Variants in PRKN observed in about 807,000 individuals in gnomAD.
PRKN encodes parkin RBR E3 ubiquitin protein ligase.
A neutral mutation model predicts 59.5 loss-of-function variants in PRKN; 56 were observed. The observed-to-expected ratio is 0.94, with a 90% CI of 0.76 to 1.18. The LOEUF (loss-of-function observed/expected upper bound fraction) is 1.18, where lower values mean the gene tolerates loss of function less well. PRKN is among the 50% of genes most tolerant of loss of function. The pLI, the probability that PRKN is intolerant of heterozygous loss-of-function variation, is 0.00. For missense variants in PRKN, 657 were observed against 596.4 expected (o/e 1.10, Z -1.06); for synonymous variants, 250 against 222.1 (o/e 1.13, Z -1.12).
At chr6:162,278,062 C>G (rs2128105526) in intron 2 of PRKN, among the ~76,000 whole-genome samples, 1 of 152,218 alleles carries the variant, frequency 6.6e-6, no homozygotes, top group East Asian at 1.9e-4. Context: ...ATCAGACATA[C>G]AGATCATGGA....
Position 162,677,333 on chromosome 6 carries a change from T to C in PRKN, c.7+50329A>G, listed in dbSNP as rs528441785. On this transcript the variant is annotated intron_variant, in intron 1 of 11. Coordinates refer to ENST00000366898, the MANE Select transcript of PRKN (RefSeq NM_004562.3). ...AGGACCATAACAGCTGAGCTAGTGA[T>C]GGAAGACTTCCTTTTGCACCTTTCG... Among the ~76,000 whole-genome samples the C allele has an allele frequency of 2.6e-5, 4 of 152,112 alleles. No homozygotes were observed. In the East Asian group the frequency reaches 7.8e-4, roughly 30 times the overall value.
chr6:162,126,956 C>G (rs1431426765), intron 4 of PRKN, among the ~76,000 whole-genome samples: 1 of 152,138 alleles, frequency 6.6e-6, no homozygotes, highest in East Asian at 1.9e-4. Context: ...AGATTGCTTC[C>G]AGTACATACT....
chr6:161,583,528 T>C (rs999370723), intron 7 of PRKN, among the ~76,000 whole-genome samples: 1 of 152,182 alleles, frequency 6.6e-6, no homozygotes, highest in Non-Finnish European at 1.5e-5. Flanking sequence ...TAAAGGTGTT[T>C]TTCAAAATTA....
At chr6:161,728,638 T>C (rs1032765684) in intron 7 of PRKN, among the ~76,000 whole-genome samples, 1 of 152,170 alleles carries the variant, frequency 6.6e-6, no homozygotes, top group Non-Finnish European at 1.5e-5. Context: ...TTTCTTCAAG[T>C]GTGTATTTAT....
In PRKN at chr6:161,601,834, G is replaced by A. The variant is rs565372386; in HGVS notation, c.872-32418C>T. 6.5e-4 allele frequency among the ~76,000 whole-genome samples: 99 copies of A among 152,074 alleles called. 1 individual carries two copies. The highest frequency in any genetic ancestry group is 2.2e-3 in the African/African-American group (92 of 41,468). On this transcript the variant is annotated intron_variant, in intron 7 of 11. Transcript: ENST00000366898. ...CCTGACCTCGTGATCCGCCCACCTCGGCCTCCCAAAGTGCTGGGATTACAG... is the reference window on the plus strand; with the variant it reads ...CCTGACCTCGTGATCCGCCCACCTCAGCCTCCCAAAGTGCTGGGATTACAG...
intron 1 of PRKN, among the ~76,000 whole-genome samples, chr6:162,486,153 AAGTGCTG>A (rs1367650252): frequency 6.6e-6 from 1 of 152,210 alleles, no homozygotes; most frequent in Non-Finnish European, 1.5e-5. Flanking sequence ...CTCCAGGGGA[AAGTGCTG>A]TTAATATTTT....
chr6:162,556,341 TG>T (rs201876234), intron 1 of PRKN, among the ~76,000 whole-genome samples: 42,574 of 93,026 alleles, frequency 0.46, 6,938 homozygotes, highest in East Asian at 0.61. Context: ...ACTACTCAGC[TG>T]GTGTGTGTGT....
At chr6:162,595,913 G>A (rs1427682294) in intron 1 of PRKN, among the ~76,000 whole-genome samples, 2 of 152,020 alleles carry the variant, frequency 1.3e-5, no homozygotes, top group Non-Finnish European at 2.9e-5. Context: ...GAATATTAAT[G>A]TCATAATCAA....
At chr6:162,102,378 T>C (rs893198440) in intron 4 of PRKN, among the ~76,000 whole-genome samples, 3 of 152,210 alleles carry the variant, frequency 2.0e-5, no homozygotes, top group Non-Finnish European at 1.5e-5. Flanking sequence ...TGGCTACATT[T>C]GCATATAGGA....
At chr6:162,053,830 C>T (rs1182708424) in intron 5 of PRKN, among the ~76,000 whole-genome samples, 2 of 152,142 alleles carry the variant, frequency 1.3e-5, no homozygotes. Flanking sequence ...ATGGATATAA[C>T]TTTGCAATGA....
chr6:161,462,155 T>A lies in PRKN; in HGVS notation c.1084-75278A>T, dbSNP rs770548482. Among the ~76,000 whole-genome samples, 4 of 152,206 alleles carry A rather than the reference T, an allele frequency of 2.6e-5. No individual in the cohort carries two copies. Among genetic ancestry groups the A allele is most frequent in the Non-Finnish European group, 4.4e-5 (3 of 68,038 alleles). ...AGGGACCTACACATGCTTTGTCTCA[T>A]CCTTTTCATCTTTGCACAATATTAG... is the stretch of plus-strand genomic sequence containing the variant. On this transcript the variant is annotated intron_variant, in intron 9 of 11. Coordinates refer to ENST00000366898, the MANE Select transcript of PRKN (RefSeq NM_004562.3). This position sits in a 1 kb window ranked among gnomAD's most constrained non-coding sequence, Gnocchi z 4.5.
intron 9 of PRKN, among the ~76,000 whole-genome samples, chr6:161,431,910 C>T (rs1015056619): frequency 3.9e-5 from 6 of 152,130 alleles, no homozygotes; most frequent in East Asian, 1.9e-4. Context: ...CCACTGCATC[C>T]GGCAATAATA....
chr6:162,687,335 A>T lies in PRKN; in HGVS notation c.7+40327T>A, dbSNP rs959816600. ...CGAGTAGCTGGGACTACAGGTGCTC[A>T]CCACCACACCCGGCTAATTTTTGTA... On this transcript the variant is annotated intron_variant, in intron 1 of 11. Coordinates refer to ENST00000366898, the MANE Select transcript of PRKN (RefSeq NM_004562.3). Among the ~76,000 whole-genome samples the T allele has an allele frequency of 4.0e-5, 6 of 151,880 alleles. No homozygotes were observed. In the South Asian group the frequency reaches 1.3e-3, roughly 32 times the overall value.
intron 1 of PRKN, among the ~76,000 whole-genome samples, chr6:162,626,429 T>C (rs372850593): frequency 6.6e-6 from 1 of 152,150 alleles, no homozygotes; most frequent in Non-Finnish European, 1.5e-5. Flanking sequence ...GAATTAATCA[T>C]AGAGGAAGAA....
chr6:162,387,988 A>C (rs1470125403), intron 2 of PRKN, among the ~76,000 whole-genome samples: 1 of 152,186 alleles, frequency 6.6e-6, no homozygotes, highest in African/African-American at 2.4e-5. Context: ...CTTGTAAAAC[A>C]CACGGTCTCG....
At chr6:162,128,908 C>A (rs1027892677) in intron 4 of PRKN, among the ~76,000 whole-genome samples, 2 of 152,192 alleles carry the variant, frequency 1.3e-5, no homozygotes, top group Non-Finnish European at 2.9e-5. Context: ...GCCTCCAGAA[C>A]TTTGAGAAAG....
rs1451213721 is a variant in PRKN at position 161,473,262 on chromosome 6, T to C, written c.1083+75592A>G. ...AACAACCTAAGTAAGCATCAAAGGA[T>C]GAATGGATAAAGAAATTGTGGAATA... On this transcript the variant is annotated intron_variant, in intron 9 of 11. Coordinates refer to ENST00000366898, the MANE Select transcript of PRKN (RefSeq NM_004562.3). The surrounding 1 kb of genome is among the most constrained non-coding windows in gnomAD (Gnocchi z 4.1). Among the ~76,000 whole-genome samples, 1 of 151,716 alleles carries C rather than the reference T, an allele frequency of 6.6e-6. No individual in the cohort carries two copies. Among genetic ancestry groups the C allele is most frequent in the Non-Finnish European group, 1.5e-5 (1 of 67,966 alleles).
At chr6:161,524,493 A>G (rs1264695117) in intron 9 of PRKN, among the ~76,000 whole-genome samples, 1 of 152,172 alleles carries the variant, frequency 6.6e-6, no homozygotes, top group Non-Finnish European at 1.5e-5. Flanking sequence ...CTACGGCTGC[A>G]TGCCCCTGTG....
At chr6:162,390,375 G>GTATATATATATATATA (rs369827763) in intron 2 of PRKN, among the ~76,000 whole-genome samples, 90 of 98,794 alleles carry the variant, frequency 9.1e-4, no homozygotes, top group African/African-American at 1.4e-3. Flanking sequence ...TACTGCTAAG[G>GTATATATATATATATA]TATATATATA....
Sources: gnomAD v4.1 joint callset for allele counts (sites outside exome capture counted in the v4.1 genomes callset) on GRCh38, gnomAD v4.1.1 for gene constraint, Gnocchi (gnomAD v3.1) non-coding constraint, MANE v1.5 for transcripts, NCBI Gene and HGNC (gene_info 2026-07-23, HGNC 2026-07-21) for gene names.